SYN3: variants seen among roughly 807,000 people sequenced by gnomAD.
The protein encoded by SYN3 is synapsin-3.
In SYN3, 35 loss-of-function variants were observed where a neutral mutation model predicts 65.8. That is an observed-to-expected ratio of 0.53 (90% CI 0.41 to 0.70). SYN3 has a LOEUF of 0.70. Among genes scored for constraint, SYN3 ranks in the 30% least tolerant of loss-of-function variants. The probability of loss-of-function intolerance (pLI) is 0.00; values close to 1 mark genes in which losing one functional copy is unlikely to be tolerated. For synonymous variants in SYN3, 270 were observed against 292.9 expected, an observed-to-expected ratio of 0.92 and a Z score of 0.80; for missense variants, 680 against 749.0, an observed-to-expected ratio of 0.91 and a Z score of 1.08.
intron 6 of SYN3, among the ~76,000 whole-genome samples, chr22:32,838,126 A>G (rs572318444): frequency 6.6e-6 from 1 of 152,298 alleles, no homozygotes; most frequent in South Asian, 2.1e-4. Flanking sequence ...AAAGGTAGGA[A>G]CCTTGTCTGC....
intron 2 of SYN3, among the ~76,000 whole-genome samples, chr22:32,999,056 C>G (rs866346907): frequency 1.3e-5 from 2 of 152,228 alleles, no homozygotes; most frequent in South Asian, 4.1e-4. Flanking sequence ...GTGTGTTGAG[C>G]TCCAGGGACA....
intron 6 of SYN3, among the ~76,000 whole-genome samples, chr22:32,757,835 C>A (rs937314836): frequency 1.3e-5 from 2 of 150,102 alleles, no homozygotes; most frequent in African/African-American, 4.9e-5. Flanking sequence ...TGACCCAGAC[C>A]CCCTCAGGAA....
Position 32,838,245 on chromosome 22 carries a change from T to C in SYN3, c.711+26670A>G, listed in dbSNP as rs2047792692. Among the ~76,000 whole-genome samples, 3 of 152,164 alleles carry C rather than the reference T, an allele frequency of 2.0e-5. No homozygotes were observed. In the South Asian group the frequency reaches 6.2e-4, roughly 32 times the overall value. Reference sequence around the variant, plus strand: ...GTGAATCAATGAATTTCAAGTGGACTTGAGGAGAAGGAGGGGGGGTGGCAA... The same window carrying C: ...GTGAATCAATGAATTTCAAGTGGACCTGAGGAGAAGGAGGGGGGGTGGCAA... On this transcript the variant is annotated intron_variant, in intron 6 of 13. Transcript: ENST00000358763.
Position 33,008,546 on chromosome 22 carries a change from T to C in SYN3, c.-162-1722A>G, listed in dbSNP as rs1569401025. ...GATGCAATATGTTGTATAGCAGTCA[T>C]TCTATTTTTAAAATAACTGAATACC... On this transcript the variant is annotated intron_variant, in intron 1 of 13. Transcript: ENST00000358763. Among the ~76,000 whole-genome samples the C allele has an allele frequency of 2.6e-5, 4 of 152,156 alleles. No individual in the cohort carries two copies. The East Asian group carries it at 7.7e-4, about 29-fold the overall frequency.
chr22:32,725,987 C>T (rs2061185288), intron 6 of SYN3, among the ~76,000 whole-genome samples: 1 of 152,170 alleles, frequency 6.6e-6, no homozygotes, highest in Non-Finnish European at 1.5e-5. Context: ...TGCTCTGGCT[C>T]CTTCCTGGTA....
chr22:32,615,613 A>G (rs1026300810), intron 6 of SYN3, among the ~76,000 whole-genome samples: 3 of 152,034 alleles, frequency 2.0e-5, no homozygotes, highest in African/African-American at 7.2e-5. Flanking sequence ...CTCTCAGTTT[A>G]GGGAGTGGGC....
intron 6 of SYN3, chr22:32,784,934 G>C (rs1000747124): frequency 6.6e-6 from 1 of 152,182 alleles, no homozygotes; most frequent in Non-Finnish European, 1.5e-5. Flanking sequence ...AAAGCACTGG[G>C]CTGGATCTTC....
intron 7 of SYN3, among the ~76,000 whole-genome samples, chr22:32,558,420 C>T (rs1027259149): frequency 3.9e-5 from 6 of 152,222 alleles, no homozygotes; most frequent in African/African-American, 1.4e-4. Flanking sequence ...AAGAACTTGC[C>T]TGAAAGCACC....
chr22:32,569,052 G>A (rs569343651), intron 7 of SYN3, among the ~76,000 whole-genome samples: 3 of 152,226 alleles, frequency 2.0e-5, no homozygotes, highest in East Asian at 1.9e-4. Flanking sequence ...TATAGATGAC[G>A]GGGTCAGGAT....
At chr22:32,979,735 C>T (rs185387190) in intron 3 of SYN3, among the ~76,000 whole-genome samples, 1 of 152,166 alleles carries the variant, frequency 6.6e-6, no homozygotes, top group Non-Finnish European at 1.5e-5. Flanking sequence ...TTTTCATGGA[C>T]TAACTCGTTT....
chr22:32,571,052 G>A (rs2058752211), intron 7 of SYN3, among the ~76,000 whole-genome samples: 1 of 152,098 alleles, frequency 6.6e-6, no homozygotes, highest in South Asian at 2.1e-4. Flanking sequence ...CTAAAATGTT[G>A]GCTAAATAAC....
chr22:32,530,759 C>T lies in SYN3; in HGVS notation c.1096-1751G>A, dbSNP rs2058054851. On this transcript the variant is annotated intron_variant, in intron 10 of 13. Transcript: ENST00000358763. ...GTGGCTCACGCCTGTAATCCCAGCA[C>T]TTTGGGAGGCCGGGGCGGGCGGATC... 2.0e-5 allele frequency among the ~76,000 whole-genome samples: 3 copies of T among 152,010 alleles called. No individual in the cohort carries two copies. The South Asian group carries it at 6.2e-4, about 32-fold the overall frequency.
intron 6 of SYN3, among the ~76,000 whole-genome samples, chr22:32,814,260 AGAGGGAGG>A (rs1299995088): frequency 7.3e-6 from 1 of 137,288 alleles, no homozygotes; most frequent in Non-Finnish European, 1.5e-5. Context: ...AAAGAAAGAA[AGAGGGAGG>A]GAGGGAGAGA....
At chr22:32,571,939 C>T (rs1296959319) in intron 7 of SYN3, among the ~76,000 whole-genome samples, 4 of 152,032 alleles carry the variant, frequency 2.6e-5, no homozygotes, top group Non-Finnish European at 4.4e-5. Flanking sequence ...GGTGTTGGCG[C>T]TCCAGTTGTG....
At chr22:33,044,815 A>C (rs1266525569) in intron 1 of SYN3, among the ~76,000 whole-genome samples, 2 of 149,182 alleles carry the variant, frequency 1.3e-5, no homozygotes, top group African/African-American at 4.9e-5. Context: ...AGCCACCTGC[A>C]TTTTTAACAA....
intron 1 of SYN3, among the ~76,000 whole-genome samples, chr22:33,045,600 T>A (rs2054048934): frequency 6.7e-6 from 1 of 150,350 alleles, no homozygotes; most frequent in South Asian, 2.1e-4. Context: ...CTCCTGGGAC[T>A]ACAGGCGCCC....
At chr22:33,049,845 G>GTT (rs1290469537) in intron 1 of SYN3, among the ~76,000 whole-genome samples, 32 of 152,244 alleles carry the variant, frequency 2.1e-4, no homozygotes, top group African/African-American at 7.7e-4. Context: ...CCTGCTCAAG[G>GTT]AAAGTGACCA....
intron 2 of SYN3, among the ~76,000 whole-genome samples, chr22:32,988,479 C>T (rs2052602493): frequency 6.6e-6 from 1 of 151,988 alleles, no homozygotes; most frequent in African/African-American, 2.4e-5. Flanking sequence ...GCTGAACATA[C>T]ACAGATAGAC....
At chr22:32,959,184 C>T (rs573288421) in intron 3 of SYN3, among the ~76,000 whole-genome samples, 1 of 152,040 alleles carries the variant, frequency 6.6e-6, no homozygotes, top group Non-Finnish European at 1.5e-5. Flanking sequence ...ATAAGTTTCA[C>T]GAGATCTGAT....
Sources: allele counts gnomAD v4.1 joint callset (sites outside exome capture counted in the v4.1 genomes callset), GRCh38; gene constraint gnomAD v4.1.1; transcripts MANE v1.5; gene names NCBI Gene and HGNC (gene_info 2026-07-23, HGNC 2026-07-21).